Variants in FAT3 observed in about 807,000 individuals in gnomAD.
FAT3 encodes the protein protocadherin Fat 3.
In FAT3, 95 loss-of-function variants were observed where a neutral mutation model predicts 310.2. The observed-to-expected ratio is 0.31, with a 90% confidence interval of 0.26 to 0.36. The LOEUF (loss-of-function observed/expected upper bound fraction) is 0.36, where lower values mean the gene tolerates loss of function less well. Ranked by LOEUF, FAT3 falls within the 10% of genes least tolerant of loss-of-function variation. The pLI is 1.00. For synonymous variants in FAT3, 2,314 were observed against 2,192.9 expected (o/e 1.06, Z -1.54); for missense variants, 5,408 against 5,715.6 (o/e 0.95, Z 1.74).
At chr11:92,570,895 C>A (rs960399474) in intron 3 of FAT3, among the ~76,000 whole-genome samples, 1 of 152,034 alleles carries the variant, frequency 6.6e-6, no homozygotes, top group African/African-American at 2.4e-5. Flanking sequence ...CTCATTTGTT[C>A]CTTCGTTCCT....
chr11:92,381,925 G>T (rs987750208), intron 2 of FAT3, among the ~76,000 whole-genome samples: 1 of 152,146 alleles, frequency 6.6e-6, no homozygotes, highest in African/African-American at 2.4e-5. Context: ...ACATTGGTGG[G>T]TAGTTTTTGT....
intron 24 of FAT3, among the ~76,000 whole-genome samples, chr11:92,886,264 G>A (rs10741450): frequency 0.83 from 126,810 of 152,150 alleles, 53,142 homozygotes; most frequent in African/African-American, 0.91. Context: ...TTTGCACTTG[G>A]CAACCTCAAG....
At chr11:92,590,540 A>G (rs1358449157) in intron 3 of FAT3, among the ~76,000 whole-genome samples, 1 of 152,192 alleles carries the variant, frequency 6.6e-6, no homozygotes, top group Admixed American at 6.5e-5. Flanking sequence ...TTCTCATAAT[A>G]AAAGCAAACT....
chr11:92,822,197 T>C (rs768163261), intron 13 of FAT3, among the ~76,000 whole-genome samples: 1 of 152,112 alleles, frequency 6.6e-6, no homozygotes, highest in Admixed American at 6.6e-5. Context: ...CTTAAGCAAG[T>C]GTTTTAGCAC....
intron 2 of FAT3, among the ~76,000 whole-genome samples, chr11:92,360,236 ATGAG>A (rs1490248513): frequency 1.3e-5 from 2 of 152,234 alleles, no homozygotes; most frequent in Non-Finnish European, 2.9e-5. Flanking sequence ...GAGCCAAATC[ATGAG>A]TGAACTCCCA....
At chr11:92,624,471 A>G (rs191702445) in intron 3 of FAT3, among the ~76,000 whole-genome samples, 51 of 152,326 alleles carry the variant, frequency 3.3e-4, no homozygotes, top group African/African-American at 1.1e-3. Flanking sequence ...GGAGGGGTGC[A>G]CTGAATGTTT....
chr11:92,880,988 G>T lies in FAT3; in HGVS notation c.12281+104G>T. The T allele has an allele frequency of 2.3e-6, 3 of 1,287,128 alleles. No homozygotes were observed. The Admixed American group carries it at 6.1e-5, about 26-fold the overall frequency. The allele number at this position is 1,287,128 out of a possible 1,614,324, so 79.7% of individuals were successfully genotyped here. ...AAAATATTTACCACTAATAGTACAGGCAAAGGGTTAACATCTGCACGATAC... is the reference window on the plus strand; with the variant it reads ...AAAATATTTACCACTAATAGTACAGTCAAAGGGTTAACATCTGCACGATAC... On this transcript the variant is annotated intron_variant, in intron 23 of 27. Transcript: ENST00000525166.
intron 1 of FAT3, among the ~76,000 whole-genome samples, chr11:92,339,467 A>C (rs541110826): frequency 6.6e-6 from 1 of 152,366 alleles, no homozygotes; most frequent in South Asian, 2.1e-4. Context: ...TGATGTCCAA[A>C]GAGAAAGTGC....
At chr11:92,616,578 T>G (rs573967591) in intron 3 of FAT3, among the ~76,000 whole-genome samples, 2 of 152,366 alleles carry the variant, frequency 1.3e-5, no homozygotes, top group South Asian at 4.1e-4. Context: ...GAATCGATGG[T>G]CTTTACAATT....
chr11:92,383,744 A>T (rs765931687), intron 2 of FAT3, among the ~76,000 whole-genome samples: 3 of 152,182 alleles, frequency 2.0e-5, no homozygotes, highest in Non-Finnish European at 2.9e-5. Flanking sequence ...GATTTTGTCA[A>T]ATGCCTTGCT....
chr11:92,430,296 T>G (rs1950736621), intron 2 of FAT3, among the ~76,000 whole-genome samples: 1 of 152,186 alleles, frequency 6.6e-6, no homozygotes, highest in Non-Finnish European at 1.5e-5. Flanking sequence ...ATCAATGTTC[T>G]TAGCTTCCTT....
At chr11:92,682,759 A>G (rs189298643) in intron 3 of FAT3, among the ~76,000 whole-genome samples, 254 of 152,246 alleles carry the variant, frequency 1.7e-3, no homozygotes, top group African/African-American at 5.7e-3. Context: ...GAGGAGGACA[A>G]GGGAATGGGG....
intron 2 of FAT3, among the ~76,000 whole-genome samples, chr11:92,415,848 G>GTTTT (rs1950396728): frequency 3.8e-5 from 3 of 78,408 alleles, no homozygotes; most frequent in African/African-American, 7.0e-5. Context: ...AAGCATTTTT[G>GTTTT]CTTTTTTTTT....
At chr11:92,303,192 T>C (rs1947042657) in intron 1 of FAT3, among the ~76,000 whole-genome samples, 1 of 152,140 alleles carries the variant, frequency 6.6e-6, no homozygotes, top group South Asian at 2.1e-4. Context: ...CAAGGAAAAC[T>C]TTTAATTTTT....
intron 3 of FAT3, among the ~76,000 whole-genome samples, chr11:92,674,133 A>G (rs1943213735): frequency 6.6e-6 from 1 of 151,504 alleles, no homozygotes; most frequent in African/African-American, 2.4e-5. Flanking sequence ...GTGAGCTGAG[A>G]TCATGCCATT....
At chr11:92,582,208 C>G (rs1291087861) in intron 3 of FAT3, among the ~76,000 whole-genome samples, 2 of 151,860 alleles carry the variant, frequency 1.3e-5, no homozygotes, top group South Asian at 4.2e-4. Flanking sequence ...TTCTTTATTG[C>G]AACCTGTTTT....
intron 2 of FAT3, among the ~76,000 whole-genome samples, chr11:92,405,011 C>T (rs1245891547): frequency 1.3e-5 from 2 of 152,072 alleles, no homozygotes; most frequent in African/African-American, 2.4e-5. Context: ...CTCCAGCTTG[C>T]AGACAGAACA....
chr11:92,844,789 G>C (rs1422981466), intron 19 of FAT3, 57 bp downstream of exon 19: 2 of 1,433,274 alleles, frequency 1.4e-6, no homozygotes, highest in African/African-American at 2.9e-5. Flanking sequence ...AGTAGAATGA[G>C]TTACCATTCC....
At chr11:92,816,985 C>G (rs2136226800) in intron 13 of FAT3, among the ~76,000 whole-genome samples, 1 of 151,452 alleles carries the variant, frequency 6.6e-6, no homozygotes, top group South Asian at 2.1e-4. Context: ...CAAAAAAAAT[C>G]AAAACAAAAA....
Sources: allele counts gnomAD v4.1 joint callset (sites outside exome capture counted in the v4.1 genomes callset), GRCh38; gene constraint gnomAD v4.1.1; transcripts MANE v1.5; gene names NCBI Gene and HGNC (gene_info 2026-07-23, HGNC 2026-07-21).